The following TMIGD3 variants were observed in gnomAD, a reference collection of about 807,000 sequenced individuals.
The protein encoded by TMIGD3 is AD026 protein (AD026).
Under a neutral mutation model 28.1 loss-of-function variants are expected in TMIGD3, and 21 were observed. The ratio of observed to expected loss-of-function variants is 0.75; its 90% CI spans 0.53 to 1.08. The LOEUF is 1.08. Ranked by LOEUF, TMIGD3 falls within the 50% of genes least tolerant of loss-of-function variation. The pLI, the probability that TMIGD3 is intolerant of heterozygous loss-of-function variation, is 0.00. For missense variants in TMIGD3, 416 were observed against 435.6 expected (o/e 0.96, Z 0.40); for synonymous variants, 151 against 162.1 (o/e 0.93, Z 0.52).
At chr1:111,499,714 G>A in intron 1 of TMIGD3, 1 of 1,345,868 alleles carries the variant, frequency 7.4e-7, no homozygotes, top group Non-Finnish European at 9.6e-7. Context: ...ATAATACGTT[G>A]TCCCCAAGTC....
At chr1:111,555,014 A>C (rs1227946989) in intron 1 of TMIGD3, among the ~76,000 whole-genome samples, 1 of 152,098 alleles carries the variant, frequency 6.6e-6, no homozygotes, top group Non-Finnish European at 1.5e-5. Context: ...TATATATAAC[A>C]CATTTAAAAG....
chr1:111,512,527 C>A (rs1384914554), intron 1 of TMIGD3, among the ~76,000 whole-genome samples: 1 of 152,230 alleles, frequency 6.6e-6, no homozygotes, highest in Admixed American at 6.5e-5. Flanking sequence ...AAATAAGATA[C>A]CCCTCTGCGG....
chr1:111,557,464 C>G (rs935744818), intron 1 of TMIGD3, among the ~76,000 whole-genome samples: 2 of 151,686 alleles, frequency 1.3e-5, no homozygotes, highest in Non-Finnish European at 2.9e-5. Context: ...GCAGGAGAAT[C>G]GCTGGAACCC....
upstream of TMIGD3, among the ~76,000 whole-genome samples, chr1:111,507,035 GTGTGTATATATATA>G (rs1177246998): frequency 1.1e-3 from 58 of 53,768 alleles, no homozygotes; most frequent in African/African-American, 3.2e-3. Context: ...GTGTGTGTGT[GTGTGTATATATATA>G]TATATATATA....
intron 5 of TMIGD3, among the ~76,000 whole-genome samples, chr1:111,484,951 GC>G (rs1654289826): frequency 6.6e-6 from 1 of 152,206 alleles, no homozygotes; most frequent in Non-Finnish European, 1.5e-5. Context: ...TGGCATATTT[GC>G]CACATGCTGG....
intron 1 of TMIGD3, among the ~76,000 whole-genome samples, chr1:111,550,000 G>A (rs1385705581): frequency 1.3e-5 from 2 of 152,050 alleles, no homozygotes; most frequent in Admixed American, 1.3e-4. Flanking sequence ...GATTCAATTT[G>A]TTTACTTTTT....
chr1:111,551,652 CA>C (rs1657262493), intron 1 of TMIGD3, among the ~76,000 whole-genome samples: 1 of 152,040 alleles, frequency 6.6e-6, no homozygotes, highest in South Asian at 2.1e-4. Flanking sequence ...AAGGGAGTTA[CA>C]AACAAAAATA....
chr1:111,516,147 C>T (rs1655859297), intron 1 of TMIGD3, among the ~76,000 whole-genome samples: 1 of 152,252 alleles, frequency 6.6e-6, no homozygotes, highest in Non-Finnish European at 1.5e-5. Context: ...GCAGACGGCC[C>T]TCACCTCCCA....
chr1:111,504,774 T>A (rs1326073647), upstream of TMIGD3: 1 of 788,056 alleles, frequency 1.3e-6, no homozygotes, highest in Non-Finnish European at 1.5e-6. Flanking sequence ...AGGGTCCTCT[T>A]GTTAGTTGAT....
chr1:111,541,535 C>G (rs938721671), intron 1 of TMIGD3, among the ~76,000 whole-genome samples: 1 of 152,130 alleles, frequency 6.6e-6, no homozygotes, highest in Admixed American at 6.5e-5. Flanking sequence ...GTCAATGAAG[C>G]GTCCAAGTGG....
intron 1 of TMIGD3, among the ~76,000 whole-genome samples, chr1:111,534,090 G>GATA (rs1656557398): frequency 6.6e-6 from 1 of 151,984 alleles, no homozygotes; most frequent in Non-Finnish European, 1.5e-5. Context: ...GAACGATATA[G>GATA]ATATTATTAT....
intron 1 of TMIGD3, among the ~76,000 whole-genome samples, chr1:111,523,122 T>TC (rs1336395979): frequency 6.6e-6 from 1 of 152,246 alleles, no homozygotes; most frequent in Non-Finnish European, 1.5e-5. Flanking sequence ...TGTAGTTTTT[T>TC]CACAGATGCC....
At chr1:111,490,023 C>T (rs896043902) in intron 2 of TMIGD3, among the ~76,000 whole-genome samples, 18 of 152,094 alleles carry the variant, frequency 1.2e-4, no homozygotes, top group Admixed American at 2.0e-4. Context: ...ATTTTGTTTT[C>T]GTAACAACCC....
chr1:111,497,614 C>T (rs1654953172), intron 1 of TMIGD3, among the ~76,000 whole-genome samples: 1 of 151,902 alleles, frequency 6.6e-6, no homozygotes, highest in Admixed American at 6.6e-5. Context: ...CCCAGCAAGC[C>T]ATCAGTGGAC....
At chr1:111,504,511 C>A (rs1655407480), upstream of TMIGD3, among the ~76,000 whole-genome samples, 1 of 152,164 alleles carries the variant, frequency 6.6e-6, no homozygotes, top group African/African-American at 2.4e-5. Context: ...TATTTGGGGA[C>A]CCACTTGGTT....
intron 1 of TMIGD3, among the ~76,000 whole-genome samples, chr1:111,514,625 G>C (rs1277818657): frequency 1.6e-5 from 2 of 128,520 alleles, no homozygotes; most frequent in Non-Finnish European, 3.3e-5. Flanking sequence ...TAGTATATGA[G>C]TGTGCATACA....
intron 1 of TMIGD3, among the ~76,000 whole-genome samples, chr1:111,516,517 C>G (rs1467911588): frequency 1.3e-5 from 2 of 152,208 alleles, no homozygotes; most frequent in Non-Finnish European, 2.9e-5. Context: ...GGTTAGTGAA[C>G]TTGAGAGAGC....
chr1:111,542,280 C>T (rs1010228217), intron 1 of TMIGD3: 10 of 587,808 alleles, frequency 1.7e-5, no homozygotes, highest in Admixed American at 3.9e-5. Flanking sequence ...AGGATCAGAC[C>T]TGCCGGTTCG....
At chr1:111,502,213 T>TATATATTTATTATAATGAATATATAGG (rs1655246428) in intron 1 of TMIGD3, among the ~76,000 whole-genome samples, 2 of 35,506 alleles carry the variant, frequency 5.6e-5, no homozygotes, top group African/African-American at 1.7e-4. Flanking sequence ...ATATATAGGA[T>TATATATTTATTATAATGAATATATAGG]ATATATTTAT....
Sources: gnomAD v4.1 joint callset for allele counts (sites outside exome capture counted in the v4.1 genomes callset) on GRCh38, gnomAD v4.1.1 for gene constraint, MANE v1.5 for transcripts, NCBI Gene and HGNC (gene_info 2026-07-23, HGNC 2026-07-21) for gene names.